Variants in PARD3B observed in about 807,000 individuals in gnomAD.
PARD3B encodes par-3 family cell polarity regulator beta.
In PARD3B, 103 loss-of-function variants were observed where a neutral mutation model predicts 130.2. The observed-to-expected ratio is 0.79, with a 90% CI of 0.67 to 0.93. PARD3B has a LOEUF of 0.93. Ranked by LOEUF, PARD3B falls within the 40% of genes least tolerant of loss-of-function variation. The probability of loss-of-function intolerance (pLI) is 0.00; values close to 1 mark genes in which losing one functional copy is unlikely to be tolerated. For synonymous variants in PARD3B, 583 were observed against 553.2 expected (o/e 1.05, Z -0.76); for missense variants, 1,609 against 1,499.2 (o/e 1.07, Z -1.21).
intron 19 of PARD3B, among the ~76,000 whole-genome samples, chr2:205,437,746 C>T (rs2047566908): frequency 6.6e-6 from 1 of 151,960 alleles, no homozygotes; most frequent in South Asian, 2.1e-4. Context: ...GCAATGTTCC[C>T]ATAGAGGAAA....
rs548611162 is a variant in PARD3B at position 204,627,030 on chromosome 2, G to T, written c.121-59151G>T. Among the ~76,000 whole-genome samples the T allele has an allele frequency of 3.3e-5, 5 of 152,214 alleles. No individual in the cohort carries two copies. The South Asian group carries it at 1.0e-3, about 32-fold the overall frequency. On this transcript the variant is annotated intron_variant, in intron 1 of 22. Coordinates refer to ENST00000406610, the MANE Select transcript of PARD3B (RefSeq NM_001302769.2). ...CTCCATGCTGTTCTCATGATAGTGAGTTCTCATGAGATGTGGTGGTTTTGT... is the reference window on the plus strand; with the variant it reads ...CTCCATGCTGTTCTCATGATAGTGATTTCTCATGAGATGTGGTGGTTTTGT...
At position 204,606,371 on chromosome 2, in the gene PARD3B, G is replaced by A. The variant is rs2033724197; in HGVS notation, c.120+60252G>A. Among the ~76,000 whole-genome samples, 2 of 152,074 alleles carry A rather than the reference G, an allele frequency of 1.3e-5. No homozygotes were observed. The highest frequency in any genetic ancestry group is 2.1e-4 in the South Asian group (1 of 4,812). ...ACTTTAGTTTCTCAGTCATGCTTTTGTCCATGGTGAGTCAATAAGGGGATC... is the reference window on the plus strand; with the variant it reads ...ACTTTAGTTTCTCAGTCATGCTTTTATCCATGGTGAGTCAATAAGGGGATC... On this transcript the variant is annotated intron_variant, in intron 1 of 22. Transcript: ENST00000406610. The surrounding 1 kb of genome is among the most constrained non-coding windows in gnomAD (Gnocchi z 4.0).
chr2:205,285,330 A>G (rs766830240), intron 16 of PARD3B, among the ~76,000 whole-genome samples: 2 of 152,172 alleles, frequency 1.3e-5, no homozygotes, highest in African/African-American at 2.4e-5. Flanking sequence ...AGAGCAAAAC[A>G]TCCATCCCAG....
rs114935512 is a variant in PARD3B at position 205,054,695 on chromosome 2, C to T, written c.504+7005C>T. Among the ~76,000 whole-genome samples the T allele has an allele frequency of 3.6e-3, 551 of 151,532 alleles. 3 individuals carry two copies. The highest frequency in any genetic ancestry group is 0.012 in the African/African-American group (511 of 41,316). ...AACTGAATGGGTTTTGTTTTCATGT[C>T]AAAATAAATTGACTAATCCCTTAGA... On this transcript the variant is annotated intron_variant, in intron 4 of 22. Transcript: ENST00000406610.
intron 3 of PARD3B, among the ~76,000 whole-genome samples, chr2:205,014,115 G>C (rs1695937200): frequency 6.6e-6 from 1 of 152,096 alleles, no homozygotes. Context: ...TTGGCATGCT[G>C]GTACTTAAAT....
intron 2 of PARD3B, among the ~76,000 whole-genome samples, chr2:204,771,334 G>A (rs1313603003): frequency 6.6e-6 from 1 of 152,052 alleles, no homozygotes; most frequent in African/African-American, 2.4e-5. Flanking sequence ...ATGAGGTGTG[G>A]TGACCACAGG....
At chr2:205,504,460 T>C (rs1356013012) in intron 21 of PARD3B, among the ~76,000 whole-genome samples, 1 of 152,148 alleles carries the variant, frequency 6.6e-6, no homozygotes, top group East Asian at 1.9e-4. Context: ...ACAGGCAACC[T>C]ACAGAATGGG....
chr2:205,522,137 T>C (rs115293082), intron 21 of PARD3B, among the ~76,000 whole-genome samples: 2,248 of 151,784 alleles, frequency 0.015, 51 homozygotes, highest in African/African-American at 0.05. Flanking sequence ...CATTTATTTT[T>C]ACTTCATTAT....
intron 14 of PARD3B, among the ~76,000 whole-genome samples, chr2:205,191,994 C>T (rs1295749279): frequency 6.6e-6 from 1 of 152,174 alleles, no homozygotes; most frequent in African/African-American, 2.4e-5. Flanking sequence ...ACTGGGACTA[C>T]AGGTGCATGC....
At chr2:205,034,033 G>A (rs76631790) in intron 3 of PARD3B, among the ~76,000 whole-genome samples, 2,564 of 152,204 alleles carry the variant, frequency 0.017, 38 homozygotes, top group African/African-American at 0.04. Context: ...TAAAATAAAT[G>A]TTGATGCTGA....
At chr2:205,533,905 T>A (rs779333308) in intron 21 of PARD3B, among the ~76,000 whole-genome samples, 1 of 151,872 alleles carries the variant, frequency 6.6e-6, no homozygotes, top group Non-Finnish European at 1.5e-5. Flanking sequence ...TCGTTCAGTG[T>A]TTTAAGAGAT....
intron 21 of PARD3B, among the ~76,000 whole-genome samples, chr2:205,547,190 A>G (rs924432097): frequency 6.6e-6 from 1 of 152,202 alleles, no homozygotes; most frequent in East Asian, 1.9e-4. Flanking sequence ...ATTTGAAAGT[A>G]TTAATCCCAT....
intron 5 of PARD3B, among the ~76,000 whole-genome samples, chr2:205,107,184 A>G (rs751440776): frequency 1.3e-5 from 2 of 152,188 alleles, no homozygotes; most frequent in Non-Finnish European, 2.9e-5. Context: ...ATAACCTACT[A>G]ACTTCTCTGT....
intron 11 of PARD3B, among the ~76,000 whole-genome samples, chr2:205,170,618 G>T (rs1206088091): frequency 1.3e-5 from 2 of 152,112 alleles, no homozygotes; most frequent in African/African-American, 2.4e-5. Context: ...GGGAACAGCA[G>T]CTCTCACCAT....
chr2:205,199,110 T>C (rs974363854), intron 15 of PARD3B, among the ~76,000 whole-genome samples: 1 of 152,100 alleles, frequency 6.6e-6, no homozygotes, highest in Admixed American at 6.6e-5. Flanking sequence ...AATAAAGGAA[T>C]TATAGAGAAT....
chr2:204,782,413 A>C (rs1168487442), intron 2 of PARD3B, among the ~76,000 whole-genome samples: 1 of 151,514 alleles, frequency 6.6e-6, no homozygotes, highest in Non-Finnish European at 1.5e-5. Flanking sequence ...TGTCACATGT[A>C]TGTATTGTGT....
chr2:205,331,604 A>C (rs970384725), intron 18 of PARD3B, among the ~76,000 whole-genome samples: 1 of 151,728 alleles, frequency 6.6e-6, no homozygotes, highest in African/African-American at 2.4e-5. Context: ...CAACATGACA[A>C]AACCCCATCT....
intron 22 of PARD3B, among the ~76,000 whole-genome samples, chr2:205,605,057 C>T (rs148513248): frequency 2.6e-5 from 4 of 152,296 alleles, no homozygotes; most frequent in East Asian, 3.9e-4. Flanking sequence ...TCAGCTCCAT[C>T]GGGCATTTTT....
intron 10 of PARD3B, among the ~76,000 whole-genome samples, chr2:205,145,359 T>C (rs1356837651): frequency 1.3e-5 from 2 of 152,224 alleles, no homozygotes; most frequent in Non-Finnish European, 1.5e-5. Flanking sequence ...ATTTCTCATA[T>C]GGAAATGAAA....
Sources: allele counts gnomAD v4.1 joint callset (sites outside exome capture counted in the v4.1 genomes callset), GRCh38; gene constraint gnomAD v4.1.1; non-coding constraint Gnocchi (gnomAD v3.1); transcripts MANE v1.5; gene names NCBI Gene and HGNC (gene_info 2026-07-23, HGNC 2026-07-21).